Variants in DLC1 observed in about 807,000 individuals in gnomAD.
DLC1 encodes DLC1 Rho GTPase activating protein.
A neutral mutation model predicts 140.3 loss-of-function variants in DLC1; 54 were observed. That is an observed-to-expected ratio of 0.38 (90% CI 0.31 to 0.48). The LOEUF (loss-of-function observed/expected upper bound fraction) is 0.48. DLC1 is among the 20% of genes least tolerant of loss of function. The probability of loss-of-function intolerance (pLI) is 0.96; values close to 1 mark genes in which losing one functional copy is unlikely to be tolerated. For synonymous variants in DLC1, 986 were observed against 728.1 expected (o/e 1.35, Z -5.70); for missense variants, 2,536 against 1,907.0 (o/e 1.33, Z -6.14).
intron 1 of DLC1, among the ~76,000 whole-genome samples, chr8:13,601,536 C>T (rs2117500831): frequency 6.6e-6 from 1 of 151,666 alleles, no homozygotes; most frequent in African/African-American, 2.4e-5. Context: ...CACTACTATT[C>T]ATTGGAAAGC....
chr8:13,541,869 A>G (rs764452368), intron 1 of DLC1, among the ~76,000 whole-genome samples: 1 of 152,056 alleles, frequency 6.6e-6, no homozygotes, highest in Non-Finnish European at 1.5e-5. Flanking sequence ...AAGTTTATGT[A>G]TATTCTTTGG....
intron 2 of DLC1, among the ~76,000 whole-genome samples, chr8:13,451,227 A>T (rs1799041578): frequency 6.6e-6 from 1 of 151,950 alleles, no homozygotes. Flanking sequence ...AAATTTTTTA[A>T]CTGTTAATTT....
intron 4 of DLC1, among the ~76,000 whole-genome samples, chr8:13,343,843 G>C (rs1216999431): frequency 6.6e-6 from 1 of 152,114 alleles, no homozygotes; most frequent in Non-Finnish European, 1.5e-5. Context: ...CTGGCCATTG[G>C]TCTGAAAATA....
At chr8:13,123,441 A>G (rs1196028654) in intron 5 of DLC1, among the ~76,000 whole-genome samples, 1 of 151,720 alleles carries the variant, frequency 6.6e-6, no homozygotes, top group East Asian at 1.9e-4. Flanking sequence ...CCCAGGTTCA[A>G]GCGATTCTCC....
At chr8:13,422,703 T>A in intron 2 of DLC1, among the ~76,000 whole-genome samples, 1 of 152,128 alleles carries the variant, frequency 6.6e-6, no homozygotes, top group Non-Finnish European at 1.5e-5. Context: ...ATCGAGCAAC[T>A]ATTAGATCAA....
chr8:13,429,461 T>C (rs1442443072), intron 2 of DLC1, among the ~76,000 whole-genome samples: 1 of 152,188 alleles, frequency 6.6e-6, no homozygotes, highest in African/African-American at 2.4e-5. Flanking sequence ...AAAAAACTTT[T>C]TGTAGTGATT....
intron 5 of DLC1, among the ~76,000 whole-genome samples, chr8:13,185,018 C>T (rs1188330830): frequency 6.6e-6 from 1 of 151,080 alleles, no homozygotes; most frequent in Non-Finnish European, 1.5e-5. Context: ...ATAGTTAGCT[C>T]TTCTTGTTGA....
At chr8:13,542,216 T>C (rs1264246388) in intron 1 of DLC1, among the ~76,000 whole-genome samples, 2 of 152,210 alleles carry the variant, frequency 1.3e-5, no homozygotes, top group East Asian at 1.9e-4. Flanking sequence ...TGGCCTGTGT[T>C]CTATTTAGAG....
chr8:13,480,632 C>G (rs1800686246), intron 2 of DLC1, among the ~76,000 whole-genome samples: 1 of 152,082 alleles, frequency 6.6e-6, no homozygotes, highest in South Asian at 2.1e-4. Context: ...ATACAACCAA[C>G]AAAAATTAAG....
chr8:13,176,374 C>T (rs895353919), intron 5 of DLC1, among the ~76,000 whole-genome samples: 5 of 152,178 alleles, frequency 3.3e-5, no homozygotes, highest in East Asian at 3.9e-4. Flanking sequence ...GTCAGGAGAT[C>T]GAGATTATCC....
chr8:13,587,711 A>T (rs957291738), intron 1 of DLC1, among the ~76,000 whole-genome samples: 2 of 151,194 alleles, frequency 1.3e-5, no homozygotes, highest in Admixed American at 6.6e-5. Context: ...TTTACCTGGG[A>T]AGTAAAAATG....
intron 5 of DLC1, among the ~76,000 whole-genome samples, chr8:13,205,007 T>C (rs1827582913): frequency 6.6e-6 from 1 of 152,152 alleles, no homozygotes; most frequent in Admixed American, 6.6e-5. Flanking sequence ...CTGCCTGAAT[T>C]TGGCCAGTCT....
At chr8:13,285,135 G>A (rs961117649) in intron 5 of DLC1, among the ~76,000 whole-genome samples, 2 of 152,154 alleles carry the variant, frequency 1.3e-5, no homozygotes, top group East Asian at 1.9e-4. Flanking sequence ...AAGATTTACT[G>A]TAAAAGCGAC....
At chr8:13,095,405 G>C (rs1250060747) in intron 10 of DLC1, 160 bp from the exon 11 acceptor site, 1 of 856,364 alleles carries the variant, frequency 1.2e-6, no homozygotes, top group African/African-American at 1.7e-5. Flanking sequence ...CAGTTCCCCA[G>C]TGGTACTGGC....
chr8:13,549,839 G>A (rs1028930429), intron 1 of DLC1, among the ~76,000 whole-genome samples: 2 of 152,090 alleles, frequency 1.3e-5, no homozygotes, highest in Admixed American at 6.6e-5. Context: ...TAAAGAGATG[G>A]TCTAGCAACA....
chr8:13,171,906 C>G (rs1351839404), intron 5 of DLC1, among the ~76,000 whole-genome samples: 1 of 152,060 alleles, frequency 6.6e-6, no homozygotes, highest in Admixed American at 6.6e-5. Flanking sequence ...AAGTGAATTC[C>G]AAATGAATCC....
At chr8:13,092,388 T>C (rs1818146288) in intron 13 of DLC1, among the ~76,000 whole-genome samples, 1 of 152,224 alleles carries the variant, frequency 6.6e-6, no homozygotes, top group Non-Finnish European at 1.5e-5. Context: ...ATCAGTTCGA[T>C]GGATTTTGTC....
At chr8:13,230,749 A>C (rs1194068722) in intron 5 of DLC1, among the ~76,000 whole-genome samples, 1 of 151,732 alleles carries the variant, frequency 6.6e-6, no homozygotes, top group Non-Finnish European at 1.5e-5. Flanking sequence ...AGAGCCCACC[A>C]CCATGCCCGC....
intron 2 of DLC1, among the ~76,000 whole-genome samples, chr8:13,462,842 T>C (rs1799735692): frequency 6.6e-6 from 1 of 152,198 alleles, no homozygotes; most frequent in African/African-American, 2.4e-5. Flanking sequence ...AAGAGCTCAC[T>C]CTCTTCCAGC....
Sources: gnomAD v4.1 joint callset for allele counts (sites outside exome capture counted in the v4.1 genomes callset) on GRCh38, gnomAD v4.1.1 for gene constraint, MANE v1.5 for transcripts, NCBI Gene and HGNC (gene_info 2026-07-23, HGNC 2026-07-21) for gene names.